Variants in PSD3 observed in about 807,000 individuals in gnomAD.
PSD3 encodes PH and SEC7 domain-containing protein 3.
PSD3 carries 49 observed loss-of-function variants against 105.5 expected under a neutral mutation model. The observed-to-expected ratio is 0.46, with a 90% CI of 0.37 to 0.59. The LOEUF (loss-of-function observed/expected upper bound fraction) is 0.59, where lower values mean the gene tolerates loss of function less well. Ranked by LOEUF, PSD3 falls within the 20% of genes least tolerant of loss-of-function variation. PSD3 has a pLI of 0.00. For synonymous variants in PSD3, 557 were observed against 457.8 expected, an observed-to-expected ratio of 1.22 and a Z score of -2.77; for missense variants, 1,561 against 1,263.8, an observed-to-expected ratio of 1.24 and a Z score of -3.57.
intron 1 of PSD3, among the ~76,000 whole-genome samples, chr8:18,962,869 G>T (rs1824007774): frequency 6.6e-6 from 1 of 152,218 alleles, no homozygotes. Context: ...ACACAGAAAG[G>T]TTAAAGGTCA....
intron 13 of PSD3, among the ~76,000 whole-genome samples, chr8:18,573,593 G>A (rs1034264165): frequency 5.9e-5 from 9 of 152,192 alleles, no homozygotes; most frequent in Admixed American, 5.9e-4. Context: ...TGCAGTAAAT[G>A]CACACAACTG....
chr8:18,740,732 C>G (rs1452424686), intron 9 of PSD3, among the ~76,000 whole-genome samples: 1 of 152,052 alleles, frequency 6.6e-6, no homozygotes, highest in African/African-American at 2.4e-5. Flanking sequence ...CATGGAAATC[C>G]TCTCTCTCAC....
intron 2 of PSD3, among the ~76,000 whole-genome samples, chr8:18,915,468 A>C: frequency 6.6e-6 from 1 of 152,242 alleles, no homozygotes; most frequent in East Asian, 1.9e-4. Flanking sequence ...AATATCCAAA[A>C]TATCCAAGAT....
At chr8:19,027,593 G>A (rs923586050) in intron 1 of PSD3, among the ~76,000 whole-genome samples, 21 of 152,166 alleles carry the variant, frequency 1.4e-4, no homozygotes, top group Admixed American at 1.3e-4. Context: ...CCCTATGTCA[G>A]CAATCCCATC....
chr8:18,775,648 T>G (rs1807987551), intron 8 of PSD3, among the ~76,000 whole-genome samples: 1 of 152,230 alleles, frequency 6.6e-6, no homozygotes. Context: ...GAAATACCTA[T>G]TCAATCAAAA....
chr8:18,836,595 G>T (rs943898446), intron 4 of PSD3, among the ~76,000 whole-genome samples: 1 of 152,154 alleles, frequency 6.6e-6, no homozygotes, highest in Non-Finnish European at 1.5e-5. Flanking sequence ...ATCCATGAGG[G>T]ATTAGTTCCA....
chr8:18,617,738 G>A (rs1038145270), intron 11 of PSD3, among the ~76,000 whole-genome samples: 4 of 152,012 alleles, frequency 2.6e-5, no homozygotes, highest in African/African-American at 9.7e-5. Context: ...AGGCACAACT[G>A]ACCAGCACTA....
intron 9 of PSD3, among the ~76,000 whole-genome samples, chr8:18,711,553 G>A (rs1260984437): frequency 1.3e-5 from 2 of 152,126 alleles, no homozygotes; most frequent in Non-Finnish European, 2.9e-5. Flanking sequence ...TAACGGTAAA[G>A]GATGCAATTC....
chr8:18,614,295 G>A (rs77574217), intron 11 of PSD3, among the ~76,000 whole-genome samples: 2,071 of 152,050 alleles, frequency 0.014, 48 homozygotes, highest in East Asian at 0.08. Flanking sequence ...CAAGTACGTT[G>A]GTTTGTTGCT....
chr8:18,746,527 G>C (rs1563219334), intron 9 of PSD3, among the ~76,000 whole-genome samples: 1 of 151,964 alleles, frequency 6.6e-6, no homozygotes, highest in Non-Finnish European at 1.5e-5. Context: ...GGTGTTGCTG[G>C]TCAGGGGTCC....
intron 9 of PSD3, among the ~76,000 whole-genome samples, chr8:18,712,436 G>A (rs976201745): frequency 2.0e-5 from 3 of 151,834 alleles, no homozygotes; most frequent in Non-Finnish European, 2.9e-5. Context: ...TGATAAAGGG[G>A]TATCATCCCT....
intron 4 of PSD3, among the ~76,000 whole-genome samples, chr8:18,861,654 T>A (rs1273989895): frequency 6.6e-6 from 1 of 151,982 alleles, no homozygotes; most frequent in East Asian, 1.9e-4. Context: ...TGTCCTAGAG[T>A]CAAACATTCA....
intron 8 of PSD3, among the ~76,000 whole-genome samples, chr8:18,781,173 C>T (rs1047406857): frequency 9.2e-5 from 14 of 152,144 alleles, no homozygotes; most frequent in African/African-American, 3.4e-4. Context: ...TCCAAGAAGG[C>T]CTCTAAGATT....
intron 1 of PSD3, among the ~76,000 whole-genome samples, chr8:18,955,911 G>A (rs185000353): frequency 1.2e-4 from 18 of 152,228 alleles, no homozygotes; most frequent in Non-Finnish European, 2.5e-4. Flanking sequence ...TAGGACTACA[G>A]GCACATGACA....
At chr8:18,658,117 G>GTCCTCTC (rs960463672) in intron 9 of PSD3, among the ~76,000 whole-genome samples, 1 of 152,170 alleles carries the variant, frequency 6.6e-6, no homozygotes, top group African/African-American at 2.4e-5. Context: ...TGCAGGTCAA[G>GTCCTCTC]TCCTCTCACT....
chr8:19,000,287 C>T lies in PSD3; in HGVS notation c.21+13276G>A, dbSNP rs142168872. ...TAGTGTGTGCCTGTGGTCCCAGCTA[C>T]TTGGGAGGCTGAGGTGGGAGGATAA... On this transcript the variant is annotated intron_variant, in intron 1 of 15. Transcript: ENST00000327040. Among the ~76,000 whole-genome samples, 351 of 151,336 alleles carry T rather than the reference C, an allele frequency of 2.3e-3. 5 individuals are homozygous for T. The highest frequency in any genetic ancestry group is 7.9e-3 in the African/African-American group (324 of 41,170).
chr8:18,945,488 G>T lies in PSD3; in HGVS notation c.22-9346C>A, dbSNP rs548926017. 3.8e-4 allele frequency among the ~76,000 whole-genome samples: 58 copies of T among 152,290 alleles called. No individual in the cohort carries two copies. In the South Asian group the frequency reaches 0.011, roughly 29 times the overall value. On this transcript the variant is annotated intron_variant, in intron 1 of 15. Coordinates refer to ENST00000327040, the MANE Select transcript of PSD3 (RefSeq NM_015310.4). The stretch of plus-strand genomic sequence containing the variant: ...GAAACAGATTATCCTCTGGCACCTT[G>T]ATTTTAGCCCCTAAGACTCCTTTCC...
At chr8:18,956,338 C>A (rs1358039676) in intron 1 of PSD3, among the ~76,000 whole-genome samples, 1 of 152,150 alleles carries the variant, frequency 6.6e-6, no homozygotes, top group African/African-American at 2.4e-5. Flanking sequence ...TCTGATCCAG[C>A]AGGTCTGGGG....
chr8:18,627,479 C>T (rs1806571191), intron 11 of PSD3, among the ~76,000 whole-genome samples: 1 of 151,966 alleles, frequency 6.6e-6, no homozygotes. Flanking sequence ...CAAGGGCTCA[C>T]ACAGGGCTAA....
Sources: gnomAD v4.1 joint callset for allele counts (sites outside exome capture counted in the v4.1 genomes callset) on GRCh38, gnomAD v4.1.1 for gene constraint, MANE v1.5 for transcripts, NCBI Gene and HGNC (gene_info 2026-07-23, HGNC 2026-07-21) for gene names.